Variants in VWA3A observed in about 807,000 individuals in gnomAD.
VWA3A encodes the protein von Willebrand factor A domain-containing protein 3A.
Under a neutral mutation model 160.4 loss-of-function variants are expected in VWA3A, and 134 were observed. The ratio of observed to expected loss-of-function variants is 0.84; its 90% CI spans 0.73 to 0.96. The LOEUF (loss-of-function observed/expected upper bound fraction) is 0.96, where lower values mean the gene tolerates loss of function less well. Ranked by LOEUF, VWA3A falls within the 40% of genes least tolerant of loss-of-function variation. VWA3A has a pLI of 0.00. For synonymous variants in VWA3A, 476 were observed against 543.4 expected (o/e 0.88, Z 1.72); for missense variants, 1,310 against 1,447.9 (o/e 0.90, Z 1.55).
Position 22,119,036 on chromosome 16 carries a change from T to C in VWA3A, c.1116+9T>C. On this transcript the variant is annotated intron_variant, in intron 12 of 33. Transcript: ENST00000389398. ...CCTGCACCATGGAGGAGGTAGGTGG[T>C]GCGAGTGTCAATTCTGGGGCCTTCT... The C allele has an allele frequency of 6.2e-7, 1 of 1,602,588 alleles. No individual in the cohort carries two copies. The highest frequency in any genetic ancestry group is 8.5e-7 in the Non-Finnish European group (1 of 1,174,496).
rs66519465 is a variant in VWA3A, at chr16:22,153,738, A to ATTTT, written c.3405+1120_3405+1123dup. 1.3e-3 allele frequency among the ~76,000 whole-genome samples: 172 copies of ATTTT among 132,508 alleles called. 2 individuals are homozygous for ATTTT. The highest frequency in any genetic ancestry group is 3.9e-3 in the Middle Eastern group (1 of 254). 86.9% of individuals were successfully genotyped at this position (132,508 alleles called of 152,430 possible). On this transcript the variant is annotated intron_variant, in intron 31 of 33. Transcript: ENST00000389398. ...GGTTACTTTCACAGGACATGGCATA[A>ATTTT]TTTTTTTTTTTTTTTTTTTGAGACA... is the stretch of plus-strand genomic sequence containing the variant.
chr16:22,121,471 G>T, intron 13 of VWA3A, 43 bp from the exon 14 acceptor site: 1 of 1,487,970 alleles, frequency 6.7e-7, no homozygotes, highest in South Asian at 1.1e-5. Flanking sequence ...GAACCCTTTG[G>T]AGCTTCTCAG....
chr16:22,118,336 G>A (rs765865446), intron 11 of VWA3A, among the ~76,000 whole-genome samples: 54 of 152,052 alleles, frequency 3.6e-4, no homozygotes, highest in Middle Eastern at 6.8e-3. Flanking sequence ...ATCCTAGTGC[G>A]TGTAAAGTGT....
At chr16:22,144,050 C>G (rs2046202883) in intron 25 of VWA3A, among the ~76,000 whole-genome samples, 197 bp from the exon 26 acceptor site, 2 of 151,958 alleles carry the variant, frequency 1.3e-5, no homozygotes, top group Admixed American at 1.3e-4. Context: ...CCAGCCTGCA[C>G]CCCCATATTT....
chr16:22,151,767 C>CAA (rs546639535), intron 30 of VWA3A, among the ~76,000 whole-genome samples: 3 of 138,444 alleles, frequency 2.2e-5, no homozygotes, highest in Admixed American at 1.4e-4. Flanking sequence ...TCAGCTCCTT[C>CAA]AAAAAAAAAA....
chr16:22,131,218 A>T lies in VWA3A; in HGVS notation c.1666A>T (p.Ile556Phe), dbSNP rs200908247. 1 of 1,613,976 alleles carries T rather than the reference A, an allele frequency of 6.2e-7. No individual in the cohort carries two copies. The highest frequency in any genetic ancestry group is 1.1e-5 in the South Asian group (1 of 91,028). The change falls in exon 18 of 34, where the codon ATT (isoleucine) becomes TTT (phenylalanine). Residue 556 changes from isoleucine to phenylalanine, a missense_variant. Physicochemically the swap from Ile to Phe is conservative, Grantham distance 21. Transcript: ENST00000389398. ...CFNLIAFGST[I>F]ESWRPEMVPV... ...TGCTTCTTAAAGGTTTGGAAGCACA[A>T]TTGAAAGCTGGAGGCCTGAGATGGT...
chr16:22,119,713 G>A (rs936818011), intron 12 of VWA3A, among the ~76,000 whole-genome samples: 1 of 152,098 alleles, frequency 6.6e-6, no homozygotes, highest in East Asian at 1.9e-4. Flanking sequence ...ATAACAATTA[G>A]TATTAGAATT....
Position 22,132,954 on chromosome 16 carries a change from A to C in VWA3A, c.1927A>C (p.Asn643His), listed in dbSNP as rs1197949622. The change falls in exon 20 of 34, where the codon AAC (asparagine) becomes CAC (histidine). Residue 643 changes from asparagine to histidine, a missense_variant. Coordinates refer to ENST00000389398, the MANE Select transcript of VWA3A (RefSeq NM_173615.5). ...CTGTGGCGGCTGCGACCTCCAGCTG[A>C]ACGTGTGTCTCTTCTACGTGGGCGA... Reference protein sequence around the residue: ...EACGGCDLQLNVCLFYVGEPK... With the variant: ...EACGGCDLQLHVCLFYVGEPK... 2 of 1,613,888 alleles carry C rather than the reference A, an allele frequency of 1.2e-6. No individual in the cohort carries two copies. Among genetic ancestry groups the C allele is most frequent in the Admixed American group, 3.3e-5 (2 of 60,014 alleles).
At chr16:22,120,070 G>A (rs936746380) in intron 12 of VWA3A, among the ~76,000 whole-genome samples, 2 of 151,950 alleles carry the variant, frequency 1.3e-5, no homozygotes, top group African/African-American at 4.8e-5. Context: ...TATGAGATAG[G>A]CACAATGTTC....
intron 15 of VWA3A, 59 bp downstream of exon 15, chr16:22,123,224 G>A (rs1385519109): frequency 6.8e-7 from 1 of 1,478,540 alleles, no homozygotes; most frequent in Non-Finnish European, 9.3e-7. Flanking sequence ...ACGGGAGGAA[G>A]GTTCCCTGGG....
intron 27 of VWA3A, 118 bp downstream of exon 27, chr16:22,146,462 G>A (rs1170991251): frequency 6.4e-6 from 5 of 787,224 alleles, no homozygotes; most frequent in Non-Finnish European, 1.0e-5. Context: ...CAGATCAGAG[G>A]ATTAGGCCAG....
chr16:22,112,059 C>T (rs2045559777), intron 8 of VWA3A, among the ~76,000 whole-genome samples: 1 of 152,202 alleles, frequency 6.6e-6, no homozygotes, highest in Non-Finnish European at 1.5e-5. Context: ...GAATTTCTTT[C>T]TCTGTCAGTG....
intron 12 of VWA3A, 120 bp downstream of exon 12, chr16:22,119,147 G>A (rs983287199): frequency 3.4e-5 from 38 of 1,129,140 alleles, no homozygotes; most frequent in Non-Finnish European, 3.7e-5. Context: ...TCCTAAAATC[G>A]AAACAAGGCA....
intron 14 of VWA3A, 98 bp from the exon 15 acceptor site, chr16:22,122,987 C>T: frequency 4.9e-6 from 5 of 1,019,760 alleles, no homozygotes; most frequent in Non-Finnish European, 7.5e-6. Context: ...TCAGAGTCCA[C>T]TTCACTCTCC....
chr16:22,115,500 A>G, intron 9 of VWA3A, 28 bp downstream of exon 9: 2 of 1,582,458 alleles, frequency 1.3e-6, no homozygotes. Context: ...AGCAGGTGAC[A>G]TACTACATGA....
intron 30 of VWA3A, 57 bp from the exon 31 acceptor site, chr16:22,152,454 A>G (rs2046365919): frequency 6.3e-7 from 1 of 1,598,072 alleles, no homozygotes; most frequent in Non-Finnish European, 8.5e-7. Context: ...GTGGGGAGTC[A>G]CACGAACTTG....
intron 8 of VWA3A, among the ~76,000 whole-genome samples, chr16:22,114,036 AAAAG>A (rs958468811): frequency 3.3e-5 from 5 of 152,152 alleles, no homozygotes; most frequent in Admixed American, 6.5e-5. Context: ...AGAAAAAAAA[AAAAG>A]AAAGCAGCCA....
At chr16:22,129,399 A>AG (rs2045908289) in intron 17 of VWA3A, among the ~76,000 whole-genome samples, 2 of 132,188 alleles carry the variant, frequency 1.5e-5, no homozygotes, top group Admixed American at 7.4e-5. Flanking sequence ...AAAAAAAAAA[A>AG]AAAAAAGAAA....
chr16:22,102,998 C>T (rs1405538837), intron 5 of VWA3A, among the ~76,000 whole-genome samples: 1 of 152,186 alleles, frequency 6.6e-6, no homozygotes, highest in Non-Finnish European at 1.5e-5. Flanking sequence ...CCTATACACT[C>T]GATCCCTTTC....
Sources: allele counts gnomAD v4.1 joint callset (sites outside exome capture counted in the v4.1 genomes callset), GRCh38; gene constraint gnomAD v4.1.1; transcripts MANE v1.5; gene names NCBI Gene and HGNC (gene_info 2026-07-23, HGNC 2026-07-21).